NETO1: variants seen among roughly 807,000 people sequenced by gnomAD.
NETO1 encodes the protein neuropilin and tolloid like 1.
Under a neutral mutation model 61.3 loss-of-function variants are expected in NETO1, and 26 were observed. That is an observed-to-expected ratio of 0.42 (90% CI 0.31 to 0.59). NETO1 has a LOEUF of 0.59. NETO1 is among the 20% of genes least tolerant of loss of function. NETO1 has a pLI of 0.12. For missense variants in NETO1, 531 were observed against 662.8 expected (o/e 0.80, Z 2.18); for synonymous variants, 225 against 225.8 (o/e 1.00, Z 0.03).
At chr18:72,847,958 A>AAGTC (rs1346413488) in intron 4 of NETO1, among the ~76,000 whole-genome samples, 3 of 152,126 alleles carry the variant, frequency 2.0e-5, no homozygotes, top group Non-Finnish European at 4.4e-5. Flanking sequence ...CTTTTTCAGG[A>AAGTC]TCAAGAGACT....
At chr18:72,827,856 A>C (rs1036221315) in intron 4 of NETO1, among the ~76,000 whole-genome samples, 1 of 152,206 alleles carries the variant, frequency 6.6e-6, no homozygotes, top group African/African-American at 2.4e-5. Flanking sequence ...GCACTTTGGA[A>C]AAGAACTCCA....
intron 4 of NETO1, among the ~76,000 whole-genome samples, chr18:72,855,672 A>T (rs1202340706): frequency 6.6e-6 from 1 of 152,204 alleles, no homozygotes; most frequent in Non-Finnish European, 1.5e-5. Context: ...TTCAGTAGGA[A>T]AGAAAGTCAT....
intron 4 of NETO1, among the ~76,000 whole-genome samples, chr18:72,852,052 T>C (rs1336186602): frequency 6.6e-6 from 1 of 152,172 alleles, no homozygotes; most frequent in Non-Finnish European, 1.5e-5. Context: ...AATGGAAATA[T>C]ATCTAGGACC....
chr18:72,851,709 T>C (rs1037464010), intron 4 of NETO1, among the ~76,000 whole-genome samples: 18 of 152,234 alleles, frequency 1.2e-4, no homozygotes, highest in African/African-American at 4.1e-4. Flanking sequence ...TCAAACAACA[T>C]GGAGAAGATG....
At chr18:72,803,128 C>T (rs1208216906) in intron 4 of NETO1, among the ~76,000 whole-genome samples, 2 of 152,058 alleles carry the variant, frequency 1.3e-5, no homozygotes, top group East Asian at 1.9e-4. Context: ...GAAAAACAAC[C>T]GACAATATTT....
At chr18:72,788,708 A>G (rs1388635903) in intron 6 of NETO1, among the ~76,000 whole-genome samples, 2 of 152,174 alleles carry the variant, frequency 1.3e-5, no homozygotes, top group Non-Finnish European at 2.9e-5. Flanking sequence ...CAGGACATGG[A>G]AAACTTCAAA....
chr18:72,863,814 G>GAA (rs1568277345), intron 3 of NETO1, among the ~76,000 whole-genome samples: 1 of 152,056 alleles, frequency 6.6e-6, no homozygotes, highest in Admixed American at 6.6e-5. Context: ...GTGTGTGTGT[G>GAA]GGGGGAAGGT....
rs569892563 is a variant in NETO1 at position 72,752,576 on chromosome 18, CAT to C, written c.983-1958_983-1957del. 5.2e-3 allele frequency among the ~76,000 whole-genome samples: 795 copies of C among 151,902 alleles called. 3 individuals are homozygous for C. Among genetic ancestry groups the C allele is most frequent in the Middle Eastern group, 0.017 (5 of 294 alleles). ...GTATTCAGAGATGCTACTAATCTAA[CAT>C]GTGATTTTCAACAAAACATTATAAT... On this transcript the variant is annotated intron_variant, in intron 8 of 10. Transcript: ENST00000327305.
intron 4 of NETO1, among the ~76,000 whole-genome samples, chr18:72,826,942 C>T (rs1378753723): frequency 1.3e-5 from 2 of 152,106 alleles, no homozygotes; most frequent in African/African-American, 2.4e-5. Context: ...GAACAGTGCC[C>T]GCGCTGTTCT....
chr18:72,762,341 T>A (rs2071005411), intron 7 of NETO1, among the ~76,000 whole-genome samples: 1 of 152,120 alleles, frequency 6.6e-6, no homozygotes, highest in Non-Finnish European at 1.5e-5. Flanking sequence ...GAGAATACAC[T>A]TTTTAATTTA....
intron 4 of NETO1, among the ~76,000 whole-genome samples, chr18:72,854,367 T>C (rs202064577): frequency 1.3e-5 from 2 of 152,246 alleles, no homozygotes; most frequent in East Asian, 3.8e-4. Flanking sequence ...TGTAACTTTG[T>C]TCCTTAAAAC....
intron 4 of NETO1, among the ~76,000 whole-genome samples, chr18:72,816,441 G>C (rs1446213665): frequency 6.6e-6 from 1 of 152,028 alleles, no homozygotes; most frequent in East Asian, 2.0e-4. Context: ...AAAATGAAAA[G>C]AAGTCCCTAG....
At chr18:72,767,012 T>C (rs190854624) in intron 7 of NETO1, among the ~76,000 whole-genome samples, 1,617 of 152,290 alleles carry the variant, frequency 0.011, 25 homozygotes, top group African/African-American at 0.037. Context: ...GCCCTGGACA[T>C]GTGGGCCAGT....
rs866562968 is a variant in NETO1 at position 72,794,241 on chromosome 18, C to A, written c.515G>T (p.Cys172Phe). The change falls in exon 6 of 11, where the codon TGT (cysteine) becomes TTT (phenylalanine). Residue 172 changes from cysteine to phenylalanine, a missense_variant. By Grantham distance (205) the Cys-to-Phe change is radical. Coordinates refer to ENST00000327305, the MANE Select transcript of NETO1 (RefSeq NM_138966.5). ...DLGALKPLPACEFEMGGSEGI... is the reference protein window; with the variant it reads ...DLGALKPLPAFEFEMGGSEGI... ...TTCGGAACCGCCCATCTCAAACTCACACGCTAAATAACAAAATGCCAAACA... is the reference window on the plus strand; with the variant it reads ...TTCGGAACCGCCCATCTCAAACTCAAACGCTAAATAACAAAATGCCAAACA... 6.2e-7 allele frequency: 1 copy of A among 1,614,154 alleles called. No homozygotes were observed. Among genetic ancestry groups the A allele is most frequent in the Non-Finnish European group, 8.5e-7 (1 of 1,180,012 alleles).
intron 1 of NETO1, chr18:72,866,762 G>C: frequency 1.0e-6 from 1 of 991,098 alleles, no homozygotes; most frequent in South Asian, 4.7e-5. Context: ...AGCGACATCA[G>C]CGGTCTCCAG....
intron 7 of NETO1, among the ~76,000 whole-genome samples, chr18:72,774,361 T>C (rs1337661758): frequency 6.6e-6 from 1 of 152,214 alleles, no homozygotes; most frequent in Non-Finnish European, 1.5e-5. Flanking sequence ...TTATTCATAT[T>C]GGGCAGTTAT....
chr18:72,753,275 A>AT, intron 8 of NETO1, among the ~76,000 whole-genome samples: 1 of 151,818 alleles, frequency 6.6e-6, no homozygotes, highest in East Asian at 1.9e-4. Flanking sequence ...GAAAAAAAAA[A>AT]CTCATCATAG....
chr18:72,816,326 C>T (rs530695652), intron 4 of NETO1, among the ~76,000 whole-genome samples: 3 of 152,302 alleles, frequency 2.0e-5, no homozygotes, highest in South Asian at 2.1e-4. Flanking sequence ...TCCCAAAGCA[C>T]GCTGGAAAAT....
At chr18:72,783,494 T>G (rs1177530406) in intron 7 of NETO1, among the ~76,000 whole-genome samples, 184 bp downstream of exon 7, 1 of 152,114 alleles carries the variant, frequency 6.6e-6, no homozygotes, top group African/African-American at 2.4e-5. Context: ...GAAAGCAAAA[T>G]GTAATATGTA....
Sources: gnomAD v4.1 joint callset for allele counts (sites outside exome capture counted in the v4.1 genomes callset) on GRCh38, gnomAD v4.1.1 for gene constraint, MANE v1.5 for transcripts, NCBI Gene and HGNC (gene_info 2026-07-23, HGNC 2026-07-21) for gene names.